Variants in CFTR observed in about 807,000 individuals in gnomAD.
CFTR encodes the protein CF transmembrane conductance regulator, also known as cystic fibrosis transmembrane conductance regulator.
Under a neutral mutation model 171.6 loss-of-function variants are expected in CFTR, and 181 were observed. That is an observed-to-expected ratio of 1.05 (90% CI 0.93 to 1.19). The LOEUF is 1.19. CFTR is among the 50% of genes most tolerant of loss of function. CFTR has a pLI of 0.00. For missense variants in CFTR, 1,968 were observed against 1,734.7 expected (o/e 1.13, Z -2.39); for synonymous variants, 583 against 608.0 (o/e 0.96, Z 0.60).
chr7:117,645,594 T>TCTGTGTCAGTGTTGATGCCGTAA (rs1792985851), intron 23 of CFTR, among the ~76,000 whole-genome samples: 2 of 152,102 alleles, frequency 1.3e-5, no homozygotes, highest in African/African-American at 4.8e-5. Flanking sequence ...AGTGCCTTCC[T>TCTGTGTCAGTGTTGATGCCGTAA]CATCTTTTCC....
chr7:117,572,748 T>C, intron 11 of CFTR, among the ~76,000 whole-genome samples: 1 of 152,128 alleles, frequency 6.6e-6, no homozygotes, highest in East Asian at 1.9e-4. Flanking sequence ...TTAGTAATTA[T>C]CAAATATTAA....
rs1479794992 is a variant in CFTR at position 117,548,665 on chromosome 7, G to T, written c.1234G>T (p.Ala412Ser). 4 of 1,612,944 alleles carry T rather than the reference G, an allele frequency of 2.5e-6. No individual in the cohort carries two copies. The Admixed American group carries it at 6.7e-5, about 27-fold the overall frequency. Residue 412 changes from alanine to serine, a missense_variant, in exon 10 of 27, where the codon GCA (alanine) becomes TCA (serine). Physicochemically the swap from Ala to Ser is moderately conservative, Grantham distance 99. Transcript: ENST00000003084. ...EEGFGELFEK[A>S]KQNNNNRKTS... is the part of the protein sequence containing the mutation. ...GGGATTTGGGGAATTATTTGAGAAA[G>T]CAAAACAAAACAATAACAATAGAAA...
intron 1 of CFTR, among the ~76,000 whole-genome samples, chr7:117,500,048 A>C (rs536817132): frequency 6.6e-6 from 1 of 152,256 alleles, no homozygotes; most frequent in South Asian, 2.1e-4. Flanking sequence ...AAACACCTGG[A>C]TGATCACTGA....
chr7:117,641,137 A>G (rs935651444), intron 22 of CFTR, among the ~76,000 whole-genome samples: 1 of 152,176 alleles, frequency 6.6e-6, no homozygotes, highest in East Asian at 1.9e-4. Context: ...ATCTCATTGT[A>G]GAGTTCTTAC....
chr7:117,516,162 G>A (rs34442917), intron 3 of CFTR, among the ~76,000 whole-genome samples: 5,647 of 152,114 alleles, frequency 0.037, 142 homozygotes, highest in African/African-American at 0.045. Context: ...AATGACTAAT[G>A]AATATGACAT....
rs201930686 is a variant in CFTR, at chr7:117,638,736, CATAAATAAATAAATAA to C, written c.3718-3685_3718-3670del. On this transcript the variant is annotated intron_variant, in intron 22 of 26. Coordinates refer to ENST00000003084, the MANE Select transcript of CFTR (RefSeq NM_000492.4). ...GGGTGACAAGAGCAAAACTCCATCT[CATAAATAAATAAATAA>C]ATAAATAAATAAATAATAAAAATAA... Among the ~76,000 whole-genome samples the C allele has an allele frequency of 2.8e-5, 4 of 145,042 alleles. 1 individual carries two copies. The South Asian group carries it at 8.8e-4, about 32-fold the overall frequency.
chr7:117,482,870 C>T (rs1798019463), intron 1 of CFTR, among the ~76,000 whole-genome samples: 1 of 152,250 alleles, frequency 6.6e-6, no homozygotes, highest in Non-Finnish European at 1.5e-5. Flanking sequence ...GAATTTTCGT[C>T]GTGATATCTG....
intron 3 of CFTR, among the ~76,000 whole-genome samples, chr7:117,526,206 T>A (rs1798777169): frequency 6.6e-6 from 1 of 151,502 alleles, no homozygotes; most frequent in Admixed American, 6.6e-5. Flanking sequence ...GGATTAAGAA[T>A]CTCACTCAAA....
chr7:117,548,518 T>C, intron 9 of CFTR, 123 bp from the exon 10 acceptor site: 1 of 1,522,874 alleles, frequency 6.6e-7, no homozygotes, highest in Non-Finnish European at 8.9e-7. Flanking sequence ...TACAGTGTAA[T>C]GGATCATGGG....
At chr7:117,574,887 C>T (rs1022018493) in intron 11 of CFTR, among the ~76,000 whole-genome samples, 1 of 151,912 alleles carries the variant, frequency 6.6e-6, no homozygotes, top group Non-Finnish European at 1.5e-5. Context: ...TTCTTGGCTA[C>T]GGTTATCTTT....
At chr7:117,549,275 A>G (rs1799228288) in intron 10 of CFTR, among the ~76,000 whole-genome samples, 1 of 152,146 alleles carries the variant, frequency 6.6e-6, no homozygotes, top group South Asian at 2.1e-4. Flanking sequence ...TGCTTATGAT[A>G]TATTATAAGG....
chr7:117,488,573 C>A (rs1798109269), intron 1 of CFTR, among the ~76,000 whole-genome samples: 1 of 152,040 alleles, frequency 6.6e-6, no homozygotes, highest in Admixed American at 6.6e-5. Flanking sequence ...TCTATCTTAT[C>A]TATCTTGTGT....
intron 11 of CFTR, among the ~76,000 whole-genome samples, chr7:117,583,922 T>A (rs1245266464): frequency 6.6e-6 from 1 of 152,120 alleles, no homozygotes; most frequent in Non-Finnish European, 1.5e-5. Context: ...TCCCTGATAA[T>A]CAGTGATGTT....
At position 117,542,045 on chromosome 7, in the gene CFTR, A is replaced by G. The variant is rs1356654922; in HGVS notation, c.1146A>G (p.Thr382=). The G allele has an allele frequency of 1.3e-6, 2 of 1,587,652 alleles. No homozygotes were observed. Among genetic ancestry groups the G allele is most frequent in the Non-Finnish European group, 8.6e-7 (1 of 1,156,256 alleles). The change falls in exon 9 of 27, where the codon ACA becomes ACG. Residue 382 remains threonine, a synonymous_variant. Coordinates refer to ENST00000003084, the MANE Select transcript of CFTR (RefSeq NM_000492.4). ...QDFLQKQEYK[T]LEYNLTTTEV... Reference sequence around the variant, plus strand: ...TCTTACAAAAGCAAGAATATAAGACATTGGAATATAACTTAACGACTACAG... The same window carrying G: ...TCTTACAAAAGCAAGAATATAAGACGTTGGAATATAACTTAACGACTACAG...
chr7:117,593,750 C>T (rs1792075493), intron 14 of CFTR, among the ~76,000 whole-genome samples: 1 of 151,974 alleles, frequency 6.6e-6, no homozygotes, highest in Non-Finnish European at 1.5e-5. Flanking sequence ...CATGCACCAC[C>T]ATGCCGAGCT....
intron 24 of CFTR, among the ~76,000 whole-genome samples, chr7:117,657,268 T>C (rs1363417074): frequency 6.6e-6 from 1 of 152,190 alleles, no homozygotes; most frequent in African/African-American, 2.4e-5. Context: ...TTTTTACCTG[T>C]TTAGGTTTTT....
chr7:117,590,377 G>A lies in CFTR; in HGVS notation c.1704G>A (p.Leu568=), dbSNP rs397508275. ...LARAVYKDAD[L]YLLDSPFGYL... is the part of the protein sequence containing the mutation. ...GAGCAGTATACAAAGATGCTGATTT[G>A]TATTTATTAGACTCTCCTTTTGGAT... Residue 568 remains leucine (L), a synonymous_variant, in exon 13 of 27, where the codon TTG becomes TTA. Coordinates refer to ENST00000003084, the MANE Select transcript of CFTR (RefSeq NM_000492.4). The A allele has an allele frequency of 1.2e-6, 2 of 1,603,100 alleles. No homozygotes were observed. The highest frequency in any genetic ancestry group is 1.7e-6 in the Non-Finnish European group (2 of 1,172,202).
intron 21 of CFTR, among the ~76,000 whole-genome samples, chr7:117,620,529 C>T (rs924183133): frequency 6.6e-6 from 1 of 152,108 alleles, no homozygotes; most frequent in African/African-American, 2.4e-5. Context: ...ATTGTCAGAG[C>T]TGATCAAAGA....
chr7:117,542,534 G>A lies in CFTR; in HGVS notation c.1209+426G>A, dbSNP rs149085174. Among the ~76,000 whole-genome samples the A allele has an allele frequency of 9.9e-5, 15 of 151,890 alleles. No homozygotes were observed. In the East Asian group the frequency reaches 1.4e-3, roughly 14 times the overall value. On this transcript the variant is annotated intron_variant, in intron 9 of 26. Coordinates refer to ENST00000003084, the MANE Select transcript of CFTR (RefSeq NM_000492.4). The stretch of plus-strand genomic sequence containing the variant: ...TGCACTCCAGCCTGGGCAACAAGGC[G>A]AGACTCTGTCTGAAAAAGAAAAAAA...
Sources: allele counts gnomAD v4.1 joint callset (sites outside exome capture counted in the v4.1 genomes callset), GRCh38; gene constraint gnomAD v4.1.1; transcripts MANE v1.5; gene names NCBI Gene and HGNC (gene_info 2026-07-23, HGNC 2026-07-21).